LARGE1: variants seen among roughly 807,000 people sequenced by gnomAD.
LARGE1 encodes the protein LARGE xylosyl- and glucuronyltransferase 1.
In LARGE1, 43 loss-of-function variants were observed where a neutral mutation model predicts 87.6. That is an observed-to-expected ratio of 0.49 (90% CI 0.38 to 0.63). The LOEUF (loss-of-function observed/expected upper bound fraction) is 0.63. Ranked by LOEUF, LARGE1 falls within the 30% of genes least tolerant of loss-of-function variation. The pLI, the probability that LARGE1 is intolerant of heterozygous loss-of-function variation, is 0.00. For synonymous variants in LARGE1, 434 were observed against 394.6 expected, an observed-to-expected ratio of 1.10 and a Z score of -1.18; for missense variants, 802 against 1,000.2, an observed-to-expected ratio of 0.80 and a Z score of 2.67.
chr22:33,452,903 A>C (rs1014329708), intron 6 of LARGE1, among the ~76,000 whole-genome samples: 1 of 152,198 alleles, frequency 6.6e-6, no homozygotes, highest in Non-Finnish European at 1.5e-5. Flanking sequence ...AACCCTGCAC[A>C]ATCTACTATC....
At chr22:33,722,419 A>T (rs1025667613) in intron 2 of LARGE1, among the ~76,000 whole-genome samples, 3 of 152,132 alleles carry the variant, frequency 2.0e-5, no homozygotes, top group Admixed American at 6.6e-5. Flanking sequence ...TTTGTCAATT[A>T]TAAGTCATTA....
intron 5 of LARGE1, among the ~76,000 whole-genome samples, chr22:33,593,547 C>T (rs1199790613): frequency 6.6e-6 from 1 of 152,112 alleles, no homozygotes; most frequent in African/African-American, 2.4e-5. Context: ...TTGTCTCCAC[C>T]CTCTGCCCTG....
chr22:33,072,674 C>T, the LARGE1 span, among the ~76,000 whole-genome samples: 2 of 152,104 alleles, frequency 1.3e-5, no homozygotes, highest in Admixed American at 6.6e-5. Flanking sequence ...CTGGATTGGT[C>T]GGTGGTGGGC....
chr22:33,197,590 T>A (rs939289606), intron 11 of LARGE1, among the ~76,000 whole-genome samples: 3 of 152,126 alleles, frequency 2.0e-5, no homozygotes, highest in South Asian at 4.1e-4. Flanking sequence ...AAAAGAAGTA[T>A]AATAGCCCTA....
chr22:33,564,184 A>G (rs1354907889), intron 6 of LARGE1, among the ~76,000 whole-genome samples: 3 of 152,208 alleles, frequency 2.0e-5, no homozygotes. Flanking sequence ...ATTTTTAAAA[A>G]GACATCTGGG....
intron 3 of LARGE1, among the ~76,000 whole-genome samples, chr22:33,648,147 A>G (rs1312732557): frequency 6.6e-6 from 1 of 152,226 alleles, no homozygotes; most frequent in African/African-American, 2.4e-5. Context: ...CTGTTAAACT[A>G]GAAATGGGGC....
chr22:33,089,070 A>G, the LARGE1 span, among the ~76,000 whole-genome samples: 1 of 152,168 alleles, frequency 6.6e-6, no homozygotes. Flanking sequence ...GGGTTCCAAC[A>G]GTATCCTGGT....
chr22:33,483,090 C>T (rs779134842), intron 6 of LARGE1, among the ~76,000 whole-genome samples: 1 of 152,192 alleles, frequency 6.6e-6, no homozygotes, highest in Non-Finnish European at 1.5e-5. Context: ...TTACTATTAT[C>T]GTTTTCTTCC....
At chr22:33,779,442 T>C (rs917312165) in intron 1 of LARGE1, among the ~76,000 whole-genome samples, 2 of 152,094 alleles carry the variant, frequency 1.3e-5, no homozygotes, top group Non-Finnish European at 2.9e-5. Flanking sequence ...ACCCAGCAGC[T>C]CTACAGTGAG....
At chr22:33,159,419 T>C (rs1242077742), downstream of LARGE1, among the ~76,000 whole-genome samples, 1 of 152,134 alleles carries the variant, frequency 6.6e-6, no homozygotes, top group Non-Finnish European at 1.5e-5. Flanking sequence ...CCTTTTTCAG[T>C]GGAGTATTTA....
intron 1 of LARGE1, among the ~76,000 whole-genome samples, chr22:33,894,802 G>A (rs1360237557): frequency 6.6e-6 from 1 of 152,102 alleles, no homozygotes; most frequent in Non-Finnish European, 1.5e-5. Context: ...CACCTCATCA[G>A]GCTGTTGGGA....
At chr22:33,258,081 T>G (rs773016574) in intron 11 of LARGE1, among the ~76,000 whole-genome samples, 1 of 152,060 alleles carries the variant, frequency 6.6e-6, no homozygotes, top group Non-Finnish European at 1.5e-5. Flanking sequence ...CAGGCTGGAG[T>G]GCAGTGATAC....
At chr22:33,072,135 A>T in the LARGE1 span, among the ~76,000 whole-genome samples, 1 of 152,142 alleles carries the variant, frequency 6.6e-6, no homozygotes, top group South Asian at 2.1e-4. Context: ...TGACACCATC[A>T]CATCCCTGGG....
chr22:33,598,086 A>G (rs1490138001), intron 5 of LARGE1, among the ~76,000 whole-genome samples: 1 of 152,182 alleles, frequency 6.6e-6, no homozygotes, highest in African/African-American at 2.4e-5. Flanking sequence ...GCCCCCATCA[A>G]AAGCTCAGAG....
At chr22:33,067,615 G>C in the LARGE1 span, among the ~76,000 whole-genome samples, 3 of 152,142 alleles carry the variant, frequency 2.0e-5, no homozygotes, top group African/African-American at 2.4e-5. Flanking sequence ...CACTCTAAGA[G>C]TGCCAGGGTC....
At chr22:33,545,038 C>T (rs573049741) in intron 6 of LARGE1, among the ~76,000 whole-genome samples, 10 of 152,250 alleles carry the variant, frequency 6.6e-5, no homozygotes, top group Admixed American at 4.6e-4. Context: ...CACAGTAGAA[C>T]ACAAACACAG....
At chr22:33,531,165 T>C (rs187569417) in intron 6 of LARGE1, among the ~76,000 whole-genome samples, 1 of 152,290 alleles carries the variant, frequency 6.6e-6, no homozygotes. Context: ...TTGTTTTGTT[T>C]TGTTTTTTTG....
At chr22:33,583,403 T>TTTC (rs1345475853) in intron 5 of LARGE1, among the ~76,000 whole-genome samples, 3 of 152,204 alleles carry the variant, frequency 2.0e-5, no homozygotes. Context: ...ATCTCTTGAT[T>TTTC]TTCTACTCAT....
At chr22:33,657,893 C>T (rs923919205) in intron 2 of LARGE1, among the ~76,000 whole-genome samples, 6 of 151,684 alleles carry the variant, frequency 4.0e-5, no homozygotes, top group South Asian at 2.1e-4. Context: ...ATTTATGCAA[C>T]GCTGTCATGA....
Sources: allele counts gnomAD v4.1 joint callset (sites outside exome capture counted in the v4.1 genomes callset), GRCh38; gene constraint gnomAD v4.1.1; transcripts MANE v1.5; gene names NCBI Gene and HGNC (gene_info 2026-07-23, HGNC 2026-07-21).